Variants in SNX29 observed in about 807,000 individuals in gnomAD.
SNX29 encodes the protein sorting nexin-29.
In SNX29, 78 loss-of-function variants were observed where a neutral mutation model predicts 102.1. The observed-to-expected ratio is 0.76, with a 90% confidence interval of 0.64 to 0.92. The LOEUF (loss-of-function observed/expected upper bound fraction) is 0.92. SNX29 is among the 40% of genes least tolerant of loss of function. SNX29 has a pLI of 0.00. For missense variants in SNX29, 1,280 were observed against 1,061.7 expected (o/e 1.21, Z -2.86); for synonymous variants, 580 against 414.5 (o/e 1.40, Z -4.85).
At chr16:12,264,260 G>C (rs8061395) in intron 14 of SNX29, among the ~76,000 whole-genome samples, 2,460 of 152,308 alleles carry the variant, frequency 0.016, 67 homozygotes, top group African/African-American at 0.057. Context: ...ACTGCCTGTG[G>C]TATGGCATAG....
intron 1 of SNX29, among the ~76,000 whole-genome samples, chr16:11,983,193 A>AC (rs2055464788): frequency 6.6e-6 from 1 of 151,266 alleles, no homozygotes; most frequent in Non-Finnish European, 1.5e-5. Flanking sequence ...GGCCTCCCAA[A>AC]GTGCTAGGAT....
At position 12,568,850 on chromosome 16, in the gene SNX29, A is replaced by C. The variant is rs997403622; in HGVS notation, c.*221A>C. On this transcript the variant is annotated 3_prime_UTR_variant, in exon 21 of 21. Coordinates refer to ENST00000566228, the MANE Select transcript of SNX29 (RefSeq NM_032167.5). ...ACCAAGGCAGCACCTCGCTGGAGAG[A>C]CTGGGACACACAGTCCTTCTGCTTC... 1.1e-5 allele frequency: 7 copies of C among 655,062 alleles called. No homozygotes were observed. In the African/African-American group the frequency reaches 1.3e-4, roughly 12 times the overall value. 40.6% of individuals were successfully genotyped at this position (655,062 alleles called of 1,614,324 possible).
chr16:12,136,876 A>G (rs2054683511), intron 13 of SNX29, among the ~76,000 whole-genome samples: 1 of 152,114 alleles, frequency 6.6e-6, no homozygotes, highest in African/African-American at 2.4e-5. Context: ...AGTAGCTGGG[A>G]TTACAGGTGC....
At chr16:12,079,273 T>C (rs1281496581) in intron 11 of SNX29, among the ~76,000 whole-genome samples, 1 of 152,222 alleles carries the variant, frequency 6.6e-6, no homozygotes, top group East Asian at 1.9e-4. Context: ...TGAAGAAGAA[T>C]ATGTCTCTCC....
intron 13 of SNX29, among the ~76,000 whole-genome samples, chr16:12,139,901 A>C (rs2054805414): frequency 7.1e-6 from 1 of 141,610 alleles, no homozygotes; most frequent in East Asian, 2.4e-4. Context: ...GAATCACCTG[A>C]GCCCAGGAGG....
In SNX29 at chr16:12,202,364, G is replaced by A. The variant is rs113272445; in HGVS notation, c.1678+2681G>A. Among the ~76,000 whole-genome samples the A allele has an allele frequency of 7.3e-3, 1,116 of 152,180 alleles. 21 individuals are homozygous for A. The highest frequency in any genetic ancestry group is 0.025 in the African/African-American group (1,058 of 41,496). On this transcript the variant is annotated intron_variant, in intron 14 of 20. Transcript: ENST00000566228. ...GTTTTATTTTTCTTCCCCGAATGTG[G>A]TCCAGAAGTGAGGTTGGGTTATTTG...
chr16:12,307,485 A>G (rs1048487923), intron 15 of SNX29, among the ~76,000 whole-genome samples: 6 of 152,192 alleles, frequency 3.9e-5, no homozygotes, highest in Non-Finnish European at 8.8e-5. Context: ...TGGGGTATGG[A>G]TGCTTTCATG....
At chr16:12,374,667 C>A (rs914970490) in intron 16 of SNX29, 3 of 152,184 alleles carry the variant, frequency 2.0e-5, no homozygotes, top group African/African-American at 7.2e-5. Flanking sequence ...ATGGTGCCGT[C>A]GGCCACTGGG....
intron 15 of SNX29, among the ~76,000 whole-genome samples, chr16:12,314,757 C>T (rs549233061): frequency 1.3e-5 from 2 of 152,266 alleles, no homozygotes; most frequent in African/African-American, 4.8e-5. Flanking sequence ...TTGCAGTGTT[C>T]ACTTGAATTG....
chr16:12,013,501 ATATATATATATATATATAT>A lies in SNX29; in HGVS notation c.122+10459_122+10477del, dbSNP rs1422402563. ...TCTCTACTGGGGGAAAAAAAAAAAA[ATATATATATATATATATAT>A]ATATATATATATATATATATATCGA... On this transcript the variant is annotated intron_variant, in intron 3 of 20. Coordinates refer to ENST00000566228, the MANE Select transcript of SNX29 (RefSeq NM_032167.5). Among the ~76,000 whole-genome samples, 229 of 40,892 alleles carry A rather than the reference ATATATATATATATATATAT, an allele frequency of 5.6e-3. 20 individuals are homozygous for A. The highest frequency in any genetic ancestry group is 0.029 in the Middle Eastern group (3 of 102). The allele number at this position is 40,892 out of a possible 152,430, so 26.8% of individuals were successfully genotyped here.
chr16:12,466,170 AAAG>A (rs563190915), intron 18 of SNX29, among the ~76,000 whole-genome samples: 86 of 152,340 alleles, frequency 5.6e-4, no homozygotes, highest in African/African-American at 1.9e-3. Context: ...AAAAGAAATA[AAAG>A]GCATCCAAAT....
At chr16:12,351,323 G>T (rs1197485186) in intron 15 of SNX29, among the ~76,000 whole-genome samples, 1 of 152,204 alleles carries the variant, frequency 6.6e-6, no homozygotes, top group African/African-American at 2.4e-5. Flanking sequence ...CCCACAACCA[G>T]AGTAAACTGG....
At chr16:12,544,826 C>G (rs1444764791) in intron 20 of SNX29, among the ~76,000 whole-genome samples, 3 of 152,206 alleles carry the variant, frequency 2.0e-5, no homozygotes, top group African/African-American at 7.2e-5. Context: ...ACTGCTTCAG[C>G]AAGAACTCCT....
chr16:12,023,588 AAG>A (rs2057096329), intron 3 of SNX29, among the ~76,000 whole-genome samples: 3 of 143,966 alleles, frequency 2.1e-5, no homozygotes, highest in Non-Finnish European at 3.0e-5. Flanking sequence ...AAAAAAAAAA[AAG>A]AAAAGAAAAG....
intron 15 of SNX29, among the ~76,000 whole-genome samples, chr16:12,347,492 G>T (rs1021671238): frequency 3.3e-5 from 5 of 152,064 alleles, no homozygotes; most frequent in Non-Finnish European, 7.4e-5. Context: ...GAGCCAGACT[G>T]ACCACCTCCC....
intron 15 of SNX29, among the ~76,000 whole-genome samples, chr16:12,330,708 G>T (rs1440516535): frequency 6.6e-6 from 1 of 152,196 alleles, no homozygotes. Context: ...CGGCGCTTGT[G>T]GCAGGTTTCA....
At chr16:12,256,950 T>A (rs1223379034) in intron 14 of SNX29, among the ~76,000 whole-genome samples, 3 of 152,202 alleles carry the variant, frequency 2.0e-5, no homozygotes, top group Non-Finnish European at 4.4e-5. Flanking sequence ...TTAGTTTTCT[T>A]TTGGTGTGGC....
At chr16:12,326,819 A>G (rs2081135056) in intron 15 of SNX29, among the ~76,000 whole-genome samples, 1 of 152,216 alleles carries the variant, frequency 6.6e-6, no homozygotes, top group African/African-American at 2.4e-5. Flanking sequence ...GTGGTAGGGC[A>G]TGGGCCACTG....
At chr16:12,563,336 G>C (rs1206745906) in intron 20 of SNX29, among the ~76,000 whole-genome samples, 2 of 152,208 alleles carry the variant, frequency 1.3e-5, no homozygotes, top group Non-Finnish European at 2.9e-5. Flanking sequence ...CCGTCGAGGA[G>C]TGGCCATTAT....
Sources: allele counts gnomAD v4.1 joint callset (sites outside exome capture counted in the v4.1 genomes callset), GRCh38; gene constraint gnomAD v4.1.1; transcripts MANE v1.5; gene names NCBI Gene and HGNC (gene_info 2026-07-23, HGNC 2026-07-21).